The following HP1BP3 variants were observed in gnomAD, a reference collection of about 807,000 sequenced individuals.
HP1BP3 encodes the protein heterochromatin protein 1-binding protein 3.
HP1BP3 carries 12 observed loss-of-function variants against 62.5 expected under a neutral mutation model. The ratio of observed to expected loss-of-function variants is 0.19; its 90% confidence interval spans 0.12 to 0.31. The LOEUF is 0.31. Among genes scored for constraint, HP1BP3 ranks in the 10% least tolerant of loss-of-function variants. The pLI is 1.00. For synonymous variants in HP1BP3, 260 were observed against 237.8 expected (o/e 1.09, Z -0.86); for missense variants, 502 against 651.8 (o/e 0.77, Z 2.50).
intron 10 of HP1BP3, among the ~76,000 whole-genome samples, chr1:20,748,563 G>A (rs952545613): frequency 6.6e-6 from 1 of 152,072 alleles, no homozygotes; most frequent in Non-Finnish European, 1.5e-5. Context: ...TGGCTAATAC[G>A]GTGAAACCCT....
intron 7 of HP1BP3, 118 bp downstream of exon 7, chr1:20,767,466 T>C: frequency 1.3e-6 from 1 of 772,034 alleles, no homozygotes; most frequent in East Asian, 2.5e-5. Flanking sequence ...CCCTAGGCCT[T>C]AGCAGAAAGG....
chr1:20,761,587 G>C (rs112213961), intron 8 of HP1BP3, among the ~76,000 whole-genome samples: 182 of 152,216 alleles, frequency 1.2e-3, no homozygotes, highest in African/African-American at 4.3e-3. Flanking sequence ...TGCTGATGCT[G>C]AACAGGCATC....
intron 1 of HP1BP3, among the ~76,000 whole-genome samples, chr1:20,786,856 G>A (rs1326371975): frequency 6.6e-6 from 1 of 151,828 alleles, no homozygotes; most frequent in South Asian, 2.1e-4. Context: ...AGAGGACGCC[G>A]ACGCAGGCGC....
At chr1:20,749,922 C>T in intron 9 of HP1BP3, 40 bp from the exon 10 acceptor site, 1 of 1,595,716 alleles carries the variant, frequency 6.3e-7, no homozygotes, top group Non-Finnish European at 8.5e-7. Context: ...CAAGACAACA[C>T]TCTCCCAAAG....
At chr1:20,746,833 G>A (rs776738319) in intron 11 of HP1BP3, among the ~76,000 whole-genome samples, 1 of 152,036 alleles carries the variant, frequency 6.6e-6, no homozygotes, top group Non-Finnish European at 1.5e-5. Context: ...TAGATAATAT[G>A]GTAAGACCCC....
At chr1:20,784,882 T>C (rs1235939307) in intron 1 of HP1BP3, among the ~76,000 whole-genome samples, 2 of 152,228 alleles carry the variant, frequency 1.3e-5, no homozygotes, top group Non-Finnish European at 2.9e-5. Context: ...TTAAACTTAA[T>C]GTTACAACAA....
chr1:20,769,154 ATCATAGCTCATTGCTATGTTAGC>A (rs1177303626), intron 6 of HP1BP3, among the ~76,000 whole-genome samples: 6 of 152,184 alleles, frequency 3.9e-5, no homozygotes, highest in South Asian at 4.1e-4. Context: ...CAGTGGCACA[ATCATAGCTCATTGCTATGTTAGC>A]TCATAGCTCA....
At chr1:20,781,462 A>G (rs1441328808) in intron 1 of HP1BP3, among the ~76,000 whole-genome samples, 2 of 152,200 alleles carry the variant, frequency 1.3e-5, no homozygotes, top group Non-Finnish European at 2.9e-5. Flanking sequence ...AACAAAGAGG[A>G]TGCATTCACA....
intron 1 of HP1BP3, 127 bp from the exon 2 acceptor site, chr1:20,780,667 T>A (rs565758445): frequency 1.8e-6 from 1 of 553,816 alleles, no homozygotes; most frequent in East Asian, 2.8e-5. Flanking sequence ...GACAGATGAT[T>A]TGGTTACTCA....
In HP1BP3 at chr1:20,767,575, A is replaced by G. The variant is rs747703931; in HGVS notation, c.735+9T>C. 6.3e-7 allele frequency: 1 copy of G among 1,580,450 alleles called. No homozygotes were observed. The highest frequency in any genetic ancestry group is 1.1e-5 in the South Asian group (1 of 88,936). On this transcript the variant is annotated intron_variant, in intron 7 of 12. Coordinates refer to ENST00000438032, the MANE Select transcript of HP1BP3 (RefSeq NM_001372052.1). ...CCACAGCACTCAAACTGTGGTATAG[A>G]TGTCTTACCTTTCTGTTTCTGGATT...
rs775763013 is a variant in HP1BP3, at chr1:20,742,592, T to C, written c.*2205A>G. Reference sequence around the variant, plus strand: ...AAATGATGGTGTTCATTTCAAGGAGTAGAAAAGACTTAAAGTGAGGGCGAC... The same window carrying C: ...AAATGATGGTGTTCATTTCAAGGAGCAGAAAAGACTTAAAGTGAGGGCGAC... On this transcript the variant is annotated 3_prime_UTR_variant, in exon 13 of 13. Coordinates refer to ENST00000438032, the MANE Select transcript of HP1BP3 (RefSeq NM_001372052.1). 9.2e-5 allele frequency: 14 copies of C among 152,460 alleles called. No homozygotes were observed. Among genetic ancestry groups the C allele is most frequent in the Non-Finnish European group, 1.5e-4 (10 of 68,000 alleles). 9.4% of individuals were successfully genotyped at this position (152,460 alleles called of 1,614,324 possible).
intron 8 of HP1BP3, among the ~76,000 whole-genome samples, chr1:20,762,492 C>T (rs557623848): frequency 6.6e-6 from 1 of 151,658 alleles, no homozygotes; most frequent in African/African-American, 2.4e-5. Flanking sequence ...TCTTGGGATC[C>T]CCTAATCACA....
rs1266953840 is a variant in HP1BP3, at chr1:20,782,697, C to T, written c.-100-2157G>A. On this transcript the variant is annotated intron_variant, in intron 1 of 12. Transcript: ENST00000438032. ...CGGATAGATCACAAGGTCAGGAGTT[C>T]GAGACCAGCCTGGCCAGTATGGTGA... Among the ~76,000 whole-genome samples, 7 of 151,746 alleles carry T rather than the reference C, an allele frequency of 4.6e-5. No individual in the cohort carries two copies. The East Asian group carries it at 1.2e-3, about 25-fold the overall frequency.
intron 1 of HP1BP3, among the ~76,000 whole-genome samples, chr1:20,780,777 C>T (rs1019370605): frequency 6.6e-6 from 1 of 152,120 alleles, no homozygotes; most frequent in South Asian, 2.1e-4. Context: ...ACAAAGACAA[C>T]AAGGGCAAGG....
chr1:20,752,500 CA>C (rs1278519507), intron 9 of HP1BP3, among the ~76,000 whole-genome samples: 2 of 151,918 alleles, frequency 1.3e-5, no homozygotes, highest in Non-Finnish European at 2.9e-5. Flanking sequence ...CCATGTTGGC[CA>C]GGCTGGCCTC....
chr1:20,757,830 G>T (rs2154540134), intron 8 of HP1BP3, among the ~76,000 whole-genome samples: 1 of 152,046 alleles, frequency 6.6e-6, no homozygotes, highest in South Asian at 2.1e-4. Flanking sequence ...AATTAAGAAG[G>T]TGACTTGCAT....
intron 1 of HP1BP3, 79 bp downstream of exon 1, chr1:20,787,116 C>G (rs2057881715): frequency 6.6e-6 from 1 of 151,682 alleles, no homozygotes; most frequent in Non-Finnish European, 1.5e-5. Flanking sequence ...GCGCCCCGGG[C>G]GAGCGGCCTC....
At chr1:20,750,076 T>TATGG (rs1180083499) in intron 9 of HP1BP3, 194 bp from the exon 10 acceptor site, 3 of 1,120,734 alleles carry the variant, frequency 2.7e-6, no homozygotes, top group Non-Finnish European at 3.6e-6. Context: ...CCAACCCTCC[T>TATGG]ATGGATATTT....
At chr1:20,770,626 G>C (rs947575518) in intron 6 of HP1BP3, among the ~76,000 whole-genome samples, 1 of 151,970 alleles carries the variant, frequency 6.6e-6, no homozygotes, top group Non-Finnish European at 1.5e-5. Flanking sequence ...CATTTTTGCT[G>C]TTTCAGTAGT....
Sources: gnomAD v4.1 joint callset for allele counts (sites outside exome capture counted in the v4.1 genomes callset) on GRCh38, gnomAD v4.1.1 for gene constraint, MANE v1.5 for transcripts, NCBI Gene and HGNC (gene_info 2026-07-23, HGNC 2026-07-21) for gene names.